ZNF423: variants seen among roughly 807,000 people sequenced by gnomAD.
ZNF423 encodes the protein Ebf-associated zinc finger protein.
Under a neutral mutation model 95.8 loss-of-function variants are expected in ZNF423, and 12 were observed. The observed-to-expected ratio is 0.13, with a 90% CI of 0.08 to 0.20. The LOEUF is 0.20. Ranked by LOEUF, ZNF423 falls within the 10% of genes least tolerant of loss-of-function variation. The pLI, the probability that ZNF423 is intolerant of heterozygous loss-of-function variation, is 1.00. For missense variants in ZNF423, 1,316 were observed against 1,737.1 expected (o/e 0.76, Z 4.31); for synonymous variants, 749 against 711.9 (o/e 1.05, Z -0.83).
chr16:49,506,888 G>C (rs888982749), intron 7 of ZNF423, among the ~76,000 whole-genome samples: 1 of 152,076 alleles, frequency 6.6e-6, no homozygotes, highest in African/African-American at 2.4e-5. Context: ...TGAGTAGATG[G>C]ATTGGTGAGT....
At chr16:49,602,032 A>G (rs1409662565) in intron 5 of ZNF423, among the ~76,000 whole-genome samples, 1 of 152,188 alleles carries the variant, frequency 6.6e-6, no homozygotes, top group Admixed American at 6.5e-5. Context: ...GGTCTTGCAT[A>G]CAGTTGGTGC....
chr16:49,622,521 C>G (rs1972117201), intron 5 of ZNF423, among the ~76,000 whole-genome samples: 1 of 152,224 alleles, frequency 6.6e-6, no homozygotes, highest in Non-Finnish European at 1.5e-5. Flanking sequence ...GTTCAGCCAT[C>G]TCTCCGAAGG....
At chr16:49,735,392 T>A (rs1272511682) in intron 2 of ZNF423, among the ~76,000 whole-genome samples, 2 of 152,214 alleles carry the variant, frequency 1.3e-5, no homozygotes, top group East Asian at 3.9e-4. Context: ...GCACTCATGC[T>A]TTTGTGGGCT....
At chr16:49,499,471 C>A (rs1967299921) in intron 7 of ZNF423, among the ~76,000 whole-genome samples, 1 of 152,192 alleles carries the variant, frequency 6.6e-6, no homozygotes, top group Non-Finnish European at 1.5e-5. Context: ...AGCTTCCTTG[C>A]CGAACCAGTA....
intron 1 of ZNF423, among the ~76,000 whole-genome samples, chr16:49,838,897 G>C (rs1038271415): frequency 6.6e-6 from 1 of 151,788 alleles, no homozygotes; most frequent in African/African-American, 2.4e-5. Flanking sequence ...TCCCAATGCC[G>C]CCGCCTCAAA....
intron 7 of ZNF423, among the ~76,000 whole-genome samples, chr16:49,507,279 A>G (rs1967684486): frequency 6.7e-6 from 1 of 149,592 alleles, no homozygotes; most frequent in South Asian, 2.1e-4. Flanking sequence ...ATCTCTGTCA[A>G]CTAAAAAACA....
At chr16:49,815,915 T>TATATATATA (rs1491270483) in intron 1 of ZNF423, among the ~76,000 whole-genome samples, 14 of 21,434 alleles carry the variant, frequency 6.5e-4, no homozygotes, top group Admixed American at 2.3e-3. Context: ...TATATATATA[T>TATATATATA]TTTTTTTTTT....
chr16:49,505,639 C>A (rs1597014558), intron 7 of ZNF423, among the ~76,000 whole-genome samples: 2 of 152,218 alleles, frequency 1.3e-5, no homozygotes, highest in Non-Finnish European at 2.9e-5. Context: ...GCAGCTGAGA[C>A]CGATTACACT....
intron 1 of ZNF423, among the ~76,000 whole-genome samples, chr16:49,815,283 C>G (rs2034819152): frequency 6.6e-6 from 1 of 152,014 alleles, no homozygotes; most frequent in South Asian, 2.1e-4. Context: ...CAAAACGAAC[C>G]AAAAAAAGCA....
At chr16:49,773,533 C>T (rs2034071974) in intron 2 of ZNF423, among the ~76,000 whole-genome samples, 1 of 152,188 alleles carries the variant, frequency 6.6e-6, no homozygotes, top group Non-Finnish European at 1.5e-5. Flanking sequence ...TAAGCCAGCT[C>T]CTGTTGACTG....
chr16:49,656,636 A>C (rs1344931501), intron 3 of ZNF423, among the ~76,000 whole-genome samples: 1 of 152,234 alleles, frequency 6.6e-6, no homozygotes, highest in Non-Finnish European at 1.5e-5. Flanking sequence ...GCTTAGACCA[A>C]CTGGCGACAC....
intron 2 of ZNF423, among the ~76,000 whole-genome samples, chr16:49,768,743 C>CA (rs1328315086): frequency 6.6e-6 from 1 of 150,712 alleles, no homozygotes; most frequent in African/African-American, 2.4e-5. Context: ...GCTCACCCCC[C>CA]AGTGGGTGCA....
intron 2 of ZNF423, among the ~76,000 whole-genome samples, chr16:49,764,907 C>T (rs1159402778): frequency 1.3e-5 from 2 of 151,008 alleles, no homozygotes; most frequent in African/African-American, 4.9e-5. Context: ...GCCACCACGC[C>T]CAGCTAATTT....
chr16:49,571,765 G>T (rs1287295702), intron 5 of ZNF423, among the ~76,000 whole-genome samples: 1 of 152,136 alleles, frequency 6.6e-6, no homozygotes, highest in Non-Finnish European at 1.5e-5. Flanking sequence ...GAAATGCACA[G>T]CCCCTCCCCA....
chr16:49,833,127 T>C (rs768886122), intron 1 of ZNF423, among the ~76,000 whole-genome samples: 4 of 152,322 alleles, frequency 2.6e-5, no homozygotes, highest in East Asian at 1.9e-4. Flanking sequence ...GGGACCCTGA[T>C]TGGAACTGGG....
chr16:49,831,973 G>C (rs1290270078), intron 1 of ZNF423, among the ~76,000 whole-genome samples: 1 of 144,518 alleles, frequency 6.9e-6, no homozygotes, highest in Non-Finnish European at 1.5e-5. Context: ...GACAGAACAA[G>C]ACTATCTCAA....
intron 2 of ZNF423, among the ~76,000 whole-genome samples, chr16:49,743,565 A>C (rs2033458941): frequency 6.6e-6 from 1 of 151,936 alleles, no homozygotes; most frequent in Admixed American, 6.6e-5. Context: ...ATCCAGCCAC[A>C]GGTCTGTATT....
rs367616320 is a variant in ZNF423 at position 49,537,769 on chromosome 16, C to T, written c.3602-12275G>A. 6.6e-5 allele frequency among the ~76,000 whole-genome samples: 10 copies of T among 152,292 alleles called. No individual in the cohort carries two copies. In the South Asian group the frequency reaches 8.3e-4, roughly 13 times the overall value. On this transcript the variant is annotated intron_variant, in intron 5 of 7. Coordinates refer to ENST00000563137, the MANE Select transcript of ZNF423 (RefSeq NM_001379286.1). ...CCTTCTTGAGGCCAAGCCCAGTGCT[C>T]GGCCTTTCTCTCTTCAACAGACCCA...
At chr16:49,730,469 C>T (rs2033135682) in intron 3 of ZNF423, 2 of 431,776 alleles carry the variant, frequency 4.6e-6, no homozygotes, top group South Asian at 2.9e-5. Context: ...TTCCAAAAGG[C>T]CTTCCAGAAA....
Sources: gnomAD v4.1 joint callset for allele counts (sites outside exome capture counted in the v4.1 genomes callset) on GRCh38, gnomAD v4.1.1 for gene constraint, MANE v1.5 for transcripts, NCBI Gene and HGNC (gene_info 2026-07-23, HGNC 2026-07-21) for gene names.